The following TRIO variants were observed in gnomAD, a reference collection of about 807,000 sequenced individuals.
The protein encoded by TRIO is trio Rho guanine nucleotide exchange factor.
Under a neutral mutation model 351.9 loss-of-function variants are expected in TRIO, and 58 were observed. The ratio of observed to expected loss-of-function variants is 0.16; its 90% confidence interval spans 0.13 to 0.21. The LOEUF is 0.21. TRIO is among the 10% of genes least tolerant of loss of function. The pLI, the probability that TRIO is intolerant of heterozygous loss-of-function variation, is 1.00. For synonymous variants in TRIO, 1,758 were observed against 1,595.7 expected (o/e 1.10, Z -2.42); for missense variants, 3,201 against 4,027.8 (o/e 0.79, Z 5.56).
chr5:14,411,510 T>G (rs1034508610), intron 33 of TRIO, among the ~76,000 whole-genome samples: 2 of 152,242 alleles, frequency 1.3e-5, no homozygotes, highest in African/African-American at 4.8e-5. Context: ...AGTGAGAAAT[T>G]CAGTTGAGAC....
At chr5:14,165,773 A>T (rs1248101513) in intron 1 of TRIO, among the ~76,000 whole-genome samples, 3 of 152,124 alleles carry the variant, frequency 2.0e-5, no homozygotes, top group Admixed American at 6.5e-5. Flanking sequence ...CCTGGATCCC[A>T]GGTGCCCTCC....
chr5:14,182,132 T>C (rs1789817226), intron 1 of TRIO, among the ~76,000 whole-genome samples: 1 of 151,934 alleles, frequency 6.6e-6, no homozygotes. Flanking sequence ...AACACAGTAA[T>C]GACGTCTCTG....
rs372540699 is a variant in TRIO, at chr5:14,169,263, C to T, written c.157+25381C>T. Among the ~76,000 whole-genome samples the T allele has an allele frequency of 8.7e-5, 13 of 150,084 alleles. No homozygotes were observed. In the South Asian group the frequency reaches 2.5e-3, roughly 29 times the overall value. On this transcript the variant is annotated intron_variant, in intron 1 of 56. Coordinates refer to ENST00000344204, the MANE Select transcript of TRIO (RefSeq NM_007118.4). ...GTTCCCCATTTTTATTTTTACATCA[C>T]GTTCTTCCTCATACAGTTTTCTTCA...
intron 1 of TRIO, among the ~76,000 whole-genome samples, chr5:14,256,344 C>T (rs546849947): frequency 2.0e-5 from 3 of 152,308 alleles, no homozygotes; most frequent in South Asian, 2.1e-4. Flanking sequence ...CACGCCCCAC[C>T]TCCAGCATGG....
intron 19 of TRIO, 113 bp from the exon 20 acceptor site, chr5:14,377,899 G>A (rs559615275): frequency 3.1e-5 from 23 of 736,776 alleles, no homozygotes; most frequent in African/African-American, 5.2e-5. Context: ...TTTATTTATC[G>A]TGCTGTCTTG....
At chr5:14,465,923 G>A (rs1754222627) in intron 37 of TRIO, 1 of 362,972 alleles carries the variant, frequency 2.8e-6, no homozygotes. Context: ...GGAGTGCCTG[G>A]TTCAAGCTGC....
intron 1 of TRIO, among the ~76,000 whole-genome samples, chr5:14,208,050 A>G (rs1185768573): frequency 2.6e-5 from 4 of 152,244 alleles, no homozygotes; most frequent in African/African-American, 7.2e-5. Context: ...CAAAACCCTC[A>G]TAAATTGGGA....
chr5:14,486,840 A>C (rs1411102144), intron 47 of TRIO, among the ~76,000 whole-genome samples: 2 of 152,120 alleles, frequency 1.3e-5, no homozygotes, highest in Admixed American at 6.5e-5. Flanking sequence ...TTGCTCACAC[A>C]TGCCTGGGGC....
chr5:14,188,816 G>T (rs912622458), intron 1 of TRIO, among the ~76,000 whole-genome samples: 1 of 152,112 alleles, frequency 6.6e-6, no homozygotes, highest in Non-Finnish European at 1.5e-5. Context: ...GGTTTTTAGT[G>T]TAGTTTCTTG....
chr5:14,381,289 G>A (rs773215487), intron 21 of TRIO, 37 bp downstream of exon 21: 3 of 1,554,684 alleles, frequency 1.9e-6, no homozygotes, highest in Non-Finnish European at 2.6e-6. Context: ...TGGCCTCTAA[G>A]TCGAAAGCGA....
intron 34 of TRIO, among the ~76,000 whole-genome samples, chr5:14,445,311 T>C (rs961418664): frequency 5.3e-5 from 8 of 152,114 alleles, no homozygotes. Context: ...ACCATACAAA[T>C]ATGAGCAAAC....
intron 34 of TRIO, among the ~76,000 whole-genome samples, chr5:14,435,312 A>G (rs62345051): frequency 0.047 from 7,167 of 152,232 alleles, 190 homozygotes; most frequent in Admixed American, 0.058. Flanking sequence ...GGAGAAGCTG[A>G]GCTCCTCCCC....
At chr5:14,370,543 C>T (rs1745018305) in intron 18 of TRIO, among the ~76,000 whole-genome samples, 1 of 152,160 alleles carries the variant, frequency 6.6e-6, no homozygotes, top group Non-Finnish European at 1.5e-5. Flanking sequence ...TTACACTTAA[C>T]ACTTTCTGTG....
At chr5:14,406,481 G>A in intron 32 of TRIO, 92 bp from the exon 33 acceptor site, 1 of 1,236,008 alleles carries the variant, frequency 8.1e-7, no homozygotes, top group Non-Finnish European at 1.2e-6. Flanking sequence ...ACTCACGAAG[G>A]CTGATATGCA....
At chr5:14,323,863 A>G (rs1740125637) in intron 9 of TRIO, among the ~76,000 whole-genome samples, 1 of 152,236 alleles carries the variant, frequency 6.6e-6, no homozygotes, top group Non-Finnish European at 1.5e-5. Flanking sequence ...CATTAGTAGC[A>G]TAATATTGAC....
chr5:14,260,150 C>A (rs1042602818), intron 1 of TRIO, among the ~76,000 whole-genome samples: 3 of 152,194 alleles, frequency 2.0e-5, no homozygotes, highest in African/African-American at 7.2e-5. Flanking sequence ...GCGTTTCCAA[C>A]CCTTTCAGAA....
chr5:14,231,637 C>T (rs573125301), intron 1 of TRIO, among the ~76,000 whole-genome samples: 2 of 152,208 alleles, frequency 1.3e-5, no homozygotes, highest in East Asian at 1.9e-4. Flanking sequence ...GCCTCATTCT[C>T]ACCTTTATGA....
intron 4 of TRIO, among the ~76,000 whole-genome samples, chr5:14,288,346 C>T (rs1380303470): frequency 1.3e-5 from 2 of 152,146 alleles, no homozygotes; most frequent in South Asian, 4.1e-4. Context: ...TCTCTCCCCA[C>T]CCAGTGATTG....
intron 1 of TRIO, among the ~76,000 whole-genome samples, chr5:14,147,443 C>T (rs1016069152): frequency 1.3e-5 from 2 of 152,134 alleles, no homozygotes; most frequent in Admixed American, 6.5e-5. Flanking sequence ...CCTATTTAAC[C>T]TTGTGAGAGC....
Sources: gnomAD v4.1 joint callset for allele counts (sites outside exome capture counted in the v4.1 genomes callset) on GRCh38, gnomAD v4.1.1 for gene constraint, MANE v1.5 for transcripts, NCBI Gene and HGNC (gene_info 2026-07-23, HGNC 2026-07-21) for gene names.